EIF3H: variants seen among roughly 807,000 people sequenced by gnomAD.
EIF3H encodes eIF-3-gamma.
EIF3H carries 26 observed loss-of-function variants against 44.2 expected under a neutral mutation model. The ratio of observed to expected loss-of-function variants is 0.59; its 90% CI spans 0.43 to 0.82. The LOEUF is 0.82. Ranked by LOEUF, EIF3H falls within the 40% of genes least tolerant of loss-of-function variation. The pLI is 0.00. For missense variants in EIF3H, 359 were observed against 432.8 expected (o/e 0.83, Z 1.51); for synonymous variants, 166 against 151.9 (o/e 1.09, Z -0.68).
chr8:116,656,095 T>A, intron 4 of EIF3H, 90 bp from the exon 5 acceptor site: 1 of 1,208,628 alleles, frequency 8.3e-7, no homozygotes, highest in Non-Finnish European at 1.2e-6. Context: ...TTACAGGCCC[T>A]ATCCAAGATC....
At chr8:116,753,547 A>C (rs1260037149) in intron 1 of EIF3H, among the ~76,000 whole-genome samples, 2 of 152,350 alleles carry the variant, frequency 1.3e-5, no homozygotes, top group Admixed American at 6.5e-5. Context: ...ATCTCCTGTG[A>C]GAAGGACTAA....
chr8:116,645,983 C>G (rs1813290017), intron 7 of EIF3H, among the ~76,000 whole-genome samples: 1 of 152,186 alleles, frequency 6.6e-6, no homozygotes, highest in Non-Finnish European at 1.5e-5. Context: ...GACACAGGAC[C>G]TCTCCTGCTT....
At chr8:116,739,581 C>T (rs952973829) in intron 1 of EIF3H, among the ~76,000 whole-genome samples, 7 of 152,182 alleles carry the variant, frequency 4.6e-5, no homozygotes, top group South Asian at 2.1e-4. Flanking sequence ...ACCTGGGAGG[C>T]GGAGCTTGCA....
chr8:116,687,964 C>T (rs72681696), intron 2 of EIF3H, among the ~76,000 whole-genome samples: 61 of 152,028 alleles, frequency 4.0e-4, no homozygotes, highest in Non-Finnish European at 6.6e-4. Flanking sequence ...AAATATTGAC[C>T]ACAGCTTAAG....
intron 1 of EIF3H, among the ~76,000 whole-genome samples, chr8:116,749,334 T>G (rs1815290144): frequency 6.6e-6 from 1 of 152,202 alleles, no homozygotes; most frequent in Non-Finnish European, 1.5e-5. Context: ...AGAGCAAGCT[T>G]CTTCTCAAAC....
At chr8:116,704,905 A>G (rs1814441041) in intron 2 of EIF3H, among the ~76,000 whole-genome samples, 1 of 151,994 alleles carries the variant, frequency 6.6e-6, no homozygotes, top group Admixed American at 6.6e-5. Context: ...TTGACAGTGT[A>G]CTCTGTGATA....
At chr8:116,734,856 A>G (rs1375497291) in intron 1 of EIF3H, among the ~76,000 whole-genome samples, 1 of 152,182 alleles carries the variant, frequency 6.6e-6, no homozygotes, top group Non-Finnish European at 1.5e-5. Context: ...CCACCATGCC[A>G]AGCAGGAACA....
At chr8:116,730,837 G>A (rs1218258205) in intron 1 of EIF3H, among the ~76,000 whole-genome samples, 1 of 152,174 alleles carries the variant, frequency 6.6e-6, no homozygotes, top group East Asian at 1.9e-4. Flanking sequence ...GATATGTCAA[G>A]CACTCCACCG....
intron 2 of EIF3H, among the ~76,000 whole-genome samples, chr8:116,695,306 G>C (rs977211994): frequency 2.6e-5 from 4 of 152,056 alleles, no homozygotes; most frequent in Admixed American, 6.5e-5. Flanking sequence ...TGGATCTCCT[G>C]GCCTCAAAGG....
chr8:116,679,181 C>G (rs1276780173), intron 2 of EIF3H, among the ~76,000 whole-genome samples: 1 of 80,320 alleles, frequency 1.2e-5, no homozygotes, highest in African/African-American at 4.3e-5. Context: ...GGGGTCAGCC[C>G]CCCGCCCGGC....
intron 2 of EIF3H, among the ~76,000 whole-genome samples, chr8:116,700,655 A>G (rs1459617239): frequency 6.6e-6 from 1 of 152,230 alleles, no homozygotes; most frequent in Non-Finnish European, 1.5e-5. Flanking sequence ...AAGCAACATA[A>G]AGAAAAGAAA....
chr8:116,672,584 C>T (rs957227381), intron 2 of EIF3H, among the ~76,000 whole-genome samples: 1 of 151,712 alleles, frequency 6.6e-6, no homozygotes, highest in Non-Finnish European at 1.5e-5. Context: ...GAGCTATGAT[C>T]ATGCCACTGC....
At chr8:116,716,181 G>A (rs958721029) in intron 2 of EIF3H, among the ~76,000 whole-genome samples, 4 of 152,002 alleles carry the variant, frequency 2.6e-5, no homozygotes, top group Non-Finnish European at 5.9e-5. Context: ...GTACTCAAGT[G>A]AGCAATTAAA....
intron 1 of EIF3H, among the ~76,000 whole-genome samples, chr8:116,739,368 C>T (rs1231705546): frequency 4.6e-5 from 7 of 152,176 alleles, no homozygotes; most frequent in African/African-American, 1.2e-4. Context: ...AAATATGTGG[C>T]GGCCGGGCGC....
At chr8:116,749,469 A>C (rs906534338) in intron 1 of EIF3H, among the ~76,000 whole-genome samples, 3 of 152,220 alleles carry the variant, frequency 2.0e-5, no homozygotes, top group African/African-American at 7.2e-5. Context: ...CTGGACATGG[A>C]TCATACTTTG....
chr8:116,727,801 G>A (rs1814874007), intron 1 of EIF3H, among the ~76,000 whole-genome samples: 1 of 152,162 alleles, frequency 6.6e-6, no homozygotes, highest in South Asian at 2.1e-4. Context: ...GGCTCTCCCT[G>A]TCATAATTCT....
At chr8:116,743,792 ATATATAAACAC>A (rs1815175450) in intron 1 of EIF3H, among the ~76,000 whole-genome samples, 2 of 89,484 alleles carry the variant, frequency 2.2e-5, no homozygotes, top group Non-Finnish European at 4.4e-5. Context: ...ATATATATAT[ATATATAAACAC>A]ACACACACAC....
chr8:116,677,196 G>A (rs1813863600), intron 2 of EIF3H, among the ~76,000 whole-genome samples: 1 of 152,110 alleles, frequency 6.6e-6, no homozygotes, highest in African/African-American at 2.4e-5. Flanking sequence ...TACGTCTTTT[G>A]CAGAAAAATA....
At chr8:116,656,214 A>G (rs1813487447) in intron 4 of EIF3H, among the ~76,000 whole-genome samples, 1 of 152,102 alleles carries the variant, frequency 6.6e-6, no homozygotes, top group South Asian at 2.1e-4. Flanking sequence ...TGCGAATTTG[A>G]GCTAAAGCCC....
Sources: gnomAD v4.1 joint callset for allele counts (sites outside exome capture counted in the v4.1 genomes callset) on GRCh38, gnomAD v4.1.1 for gene constraint, MANE v1.5 for transcripts, NCBI Gene and HGNC (gene_info 2026-07-23, HGNC 2026-07-21) for gene names.